FAM178B: variants seen among roughly 807,000 people sequenced by gnomAD.
FAM178B encodes the protein family with sequence similarity 178 member B.
FAM178B carries 82 observed loss-of-function variants against 91.7 expected under a neutral mutation model. The ratio of observed to expected loss-of-function variants is 0.89; its 90% CI spans 0.75 to 1.07. The LOEUF is 1.07. Ranked by LOEUF, FAM178B falls within the 50% of genes least tolerant of loss-of-function variation. The probability of loss-of-function intolerance (pLI) is 0.00; values close to 1 mark genes in which losing one functional copy is unlikely to be tolerated. For synonymous variants in FAM178B, 368 were observed against 359.4 expected (o/e 1.02, Z -0.27); for missense variants, 769 against 846.7 (o/e 0.91, Z 1.14).
chr2:96,970,428 G>T (rs1012227041), intron 4 of FAM178B, among the ~76,000 whole-genome samples: 1 of 152,198 alleles, frequency 6.6e-6, no homozygotes, highest in Non-Finnish European at 1.5e-5. Context: ...CATAACCCTT[G>T]AGTGGGAGGA....
At chr2:96,982,778 C>G (rs1376656332) in intron 1 of FAM178B, among the ~76,000 whole-genome samples, 1 of 107,388 alleles carries the variant, frequency 9.3e-6, no homozygotes, top group Non-Finnish European at 1.8e-5. Context: ...AGGGTTCTTG[C>G]TATGTTGCCC....
At chr2:96,902,781 T>A in intron 12 of FAM178B, 74 bp from the exon 13 acceptor site, 1 of 1,118,394 alleles carries the variant, frequency 8.9e-7, no homozygotes, top group South Asian at 1.3e-5. Flanking sequence ...AGGATACCCA[T>A]GGAGAGGGGA....
chr2:96,965,573 C>T (rs2082133073), intron 5 of FAM178B, among the ~76,000 whole-genome samples: 1 of 152,112 alleles, frequency 6.6e-6, no homozygotes, highest in African/African-American at 2.4e-5. Flanking sequence ...AGTGATCCTC[C>T]TATCTCAGCC....
chr2:96,910,983 G>C (rs2081144568), intron 12 of FAM178B, among the ~76,000 whole-genome samples: 2 of 152,050 alleles, frequency 1.3e-5, no homozygotes, highest in South Asian at 4.2e-4. Flanking sequence ...GGCCAGGCTG[G>C]TCTTGAACTC....
intron 14 of FAM178B, among the ~76,000 whole-genome samples, chr2:96,891,021 T>A (rs150938649): frequency 6.6e-6 from 1 of 152,230 alleles, no homozygotes; most frequent in Non-Finnish European, 1.5e-5. Flanking sequence ...AAAAACGTTA[T>A]CAGCTCACTA....
In FAM178B at chr2:96,972,335, C is replaced by T; in HGVS notation, c.143-13G>A. On this transcript the variant is annotated splice_polypyrimidine_tract_variant and intron_variant, in intron 2 of 16. Transcript: ENST00000490605. The stretch of plus-strand genomic sequence containing the variant: ...GCAGCCTGCACCCCTGCAGACAGGA[C>T]AGAATACTGTGGTCCCTCTGCCCAC... 1 of 1,468,556 alleles carries T rather than the reference C, an allele frequency of 6.8e-7. No homozygotes were observed. The highest frequency in any genetic ancestry group is 9.0e-7 in the Non-Finnish European group (1 of 1,107,286). The allele number at this position is 1,468,556 out of a possible 1,614,324, so 91.0% of individuals were successfully genotyped here. A position where few individuals can be genotyped will look rare whatever the true frequency, so the allele number is the denominator to read the frequency against.
chr2:96,967,445 T>C, intron 5 of FAM178B, 75 bp downstream of exon 5: 1 of 877,672 alleles, frequency 1.1e-6, no homozygotes, highest in African/African-American at 1.7e-5. Flanking sequence ...TGGTCAAAAC[T>C]CTGTCCAAAA....
chr2:96,902,031 T>G (rs566108723), intron 13 of FAM178B, among the ~76,000 whole-genome samples: 1 of 152,010 alleles, frequency 6.6e-6, no homozygotes, highest in East Asian at 1.9e-4. Context: ...ACTCCTGATC[T>G]CAGGCGATCC....
intron 8 of FAM178B, 145 bp downstream of exon 8, chr2:96,947,673 G>T: frequency 1.8e-6 from 1 of 561,820 alleles, no homozygotes; most frequent in Non-Finnish European, 3.3e-6. Context: ...TGGAGCCTGA[G>T]CCAAAGATGG....
At chr2:96,901,831 T>C (rs2080938968) in intron 13 of FAM178B, among the ~76,000 whole-genome samples, 1 of 152,166 alleles carries the variant, frequency 6.6e-6, no homozygotes, top group Non-Finnish European at 1.5e-5. Context: ...TACAAAAAAA[T>C]TAAATAAATG....
chr2:96,915,228 G>C (rs957528924), intron 12 of FAM178B, among the ~76,000 whole-genome samples: 1 of 151,516 alleles, frequency 6.6e-6, no homozygotes, highest in African/African-American at 2.4e-5. Flanking sequence ...TCCTGTCTCA[G>C]CCTCCTGAAT....
chr2:96,985,368 T>G (rs940403082), intron 1 of FAM178B, among the ~76,000 whole-genome samples: 3 of 152,288 alleles, frequency 2.0e-5, no homozygotes, highest in Middle Eastern at 6.8e-3. Flanking sequence ...GCGCCCCCTC[T>G]GCCCAGCACA....
intron 9 of FAM178B, among the ~76,000 whole-genome samples, chr2:96,928,966 G>A (rs867665982): frequency 6.5e-5 from 9 of 139,452 alleles, no homozygotes; most frequent in South Asian, 2.1e-4. Context: ...CCTGGACAAC[G>A]TAGGGAGACC....
Position 96,894,061 on chromosome 2 carries a change from AG to A in FAM178B, c.1651-11del. On this transcript the variant is annotated splice_polypyrimidine_tract_variant and intron_variant, in intron 13 of 16. Coordinates refer to ENST00000490605, the MANE Select transcript of FAM178B (RefSeq NM_001122646.3). Reference sequence around the variant, plus strand: ...GGCTGAGCGAGGACAGCTGGGGAGGAGAAGGGAGGCTGTCACTCACAGAGGG... The same window carrying A: ...GGCTGAGCGAGGACAGCTGGGGAGGAAAGGGAGGCTGTCACTCACAGAGGG... 6.2e-7 allele frequency: 1 copy of A among 1,601,136 alleles called. No individual in the cohort carries two copies. Among genetic ancestry groups the A allele is most frequent in the Non-Finnish European group, 8.5e-7 (1 of 1,175,032 alleles).
At chr2:96,890,976 TTTG>T (rs2080664482) in intron 14 of FAM178B, among the ~76,000 whole-genome samples, 1 of 152,228 alleles carries the variant, frequency 6.6e-6, no homozygotes, top group African/African-American at 2.4e-5. Context: ...GCGGCTCAGC[TTTG>T]TTTTCTTTAT....
chr2:96,900,320 C>A (rs1346725648), intron 13 of FAM178B, among the ~76,000 whole-genome samples: 2 of 152,132 alleles, frequency 1.3e-5, no homozygotes, highest in African/African-American at 4.8e-5. Flanking sequence ...GCACCGGTCA[C>A]CTCCTCACTG....
intron 14 of FAM178B, among the ~76,000 whole-genome samples, chr2:96,884,874 G>GA (rs2080478134): frequency 6.6e-6 from 1 of 152,236 alleles, no homozygotes; most frequent in Non-Finnish European, 1.5e-5. Flanking sequence ...CTCTGACCAG[G>GA]ACAGGTCGCC....
At chr2:96,956,342 G>A (rs1462904710) in intron 6 of FAM178B, among the ~76,000 whole-genome samples, 1 of 152,190 alleles carries the variant, frequency 6.6e-6, no homozygotes, top group African/African-American at 2.4e-5. Context: ...GGTGATGGAT[G>A]AGCAGGTCAT....
chr2:96,961,140 A>G (rs1009102948), intron 5 of FAM178B, among the ~76,000 whole-genome samples: 1 of 152,208 alleles, frequency 6.6e-6, no homozygotes, highest in Non-Finnish European at 1.5e-5. Flanking sequence ...GAAGGGATAC[A>G]TTTCAACAGT....
Sources: allele counts gnomAD v4.1 joint callset (sites outside exome capture counted in the v4.1 genomes callset), GRCh38; gene constraint gnomAD v4.1.1; transcripts MANE v1.5; gene names NCBI Gene and HGNC (gene_info 2026-07-23, HGNC 2026-07-21).